Variants in YTHDC2 observed in about 807,000 individuals in gnomAD.
The protein encoded by YTHDC2 is 3'-5' RNA helicase YTHDC2.
A neutral mutation model predicts 174.9 loss-of-function variants in YTHDC2; 45 were observed. The observed-to-expected ratio is 0.26, with a 90% CI of 0.20 to 0.33. YTHDC2 has a LOEUF of 0.33. Among genes scored for constraint, YTHDC2 ranks in the 10% least tolerant of loss-of-function variants. YTHDC2 has a pLI of 1.00. For missense variants in YTHDC2, 1,650 were observed against 1,723.7 expected (o/e 0.96, Z 0.76); for synonymous variants, 657 against 574.5 (o/e 1.14, Z -2.05).
chr5:113,560,338 C>T (rs973426830), intron 17 of YTHDC2, among the ~76,000 whole-genome samples: 1 of 152,176 alleles, frequency 6.6e-6, no homozygotes, highest in African/African-American at 2.4e-5. Context: ...GTGTCTTGAA[C>T]TTAATGGTTG....
Position 113,567,288 on chromosome 5 carries a change from A to T in YTHDC2, c.3039A>T (p.Gln1013His). 1 of 1,608,214 alleles carries T rather than the reference A, an allele frequency of 6.2e-7. No homozygotes were observed. The highest frequency in any genetic ancestry group is 8.5e-7 in the Non-Finnish European group (1 of 1,178,326). Residue 1013 changes from glutamine (Q) to histidine (H), a missense_variant, in exon 22 of 30, where the codon CAA becomes CAT. Coordinates refer to ENST00000161863, the MANE Select transcript of YTHDC2 (RefSeq NM_022828.5). ...FHPASVLSQP[Q>H]YKKIPPANGQ... Reference sequence around the variant, plus strand: ...CTGCTTCAGTTCTCAGTCAGCCTCAATATAAAAAGGTAAAAGATTTTGAAT... The same window carrying T: ...CTGCTTCAGTTCTCAGTCAGCCTCATTATAAAAAGGTAAAAGATTTTGAAT...
At chr5:113,588,414 C>T (rs1004690731) in intron 26 of YTHDC2, among the ~76,000 whole-genome samples, 4 of 151,866 alleles carry the variant, frequency 2.6e-5, no homozygotes, top group Non-Finnish European at 5.9e-5. Context: ...GATCTTTGTT[C>T]ATGAGGGGTA....
chr5:113,544,563 T>C (rs1775720684), intron 10 of YTHDC2, among the ~76,000 whole-genome samples: 1 of 152,220 alleles, frequency 6.6e-6, no homozygotes, highest in South Asian at 2.1e-4. Flanking sequence ...AGTAGTTAAC[T>C]TTTTAGTATG....
intron 8 of YTHDC2, among the ~76,000 whole-genome samples, 165 bp from the exon 9 acceptor site, chr5:113,540,803 A>G (rs756657833): frequency 2.6e-5 from 4 of 152,232 alleles, no homozygotes; most frequent in Non-Finnish European, 5.9e-5. Flanking sequence ...TTGTTTCAGC[A>G]TAACACATTT....
chr5:113,575,660 A>G (rs1364911804), intron 23 of YTHDC2, among the ~76,000 whole-genome samples: 1 of 152,222 alleles, frequency 6.6e-6, no homozygotes, highest in East Asian at 1.9e-4. Context: ...GATAAGGTTG[A>G]AAGGAAAGCA....
chr5:113,550,782 C>A (rs1310194556), intron 12 of YTHDC2, among the ~76,000 whole-genome samples: 2 of 150,956 alleles, frequency 1.3e-5, no homozygotes, highest in African/African-American at 4.9e-5. Context: ...TTTGATTTAG[C>A]AAAAAAAGAA....
At chr5:113,581,280 A>C in intron 24 of YTHDC2, 137 bp from the exon 25 acceptor site, 1 of 746,220 alleles carries the variant, frequency 1.3e-6, no homozygotes, top group Middle Eastern at 4.3e-4. Flanking sequence ...CATTAAAAAT[A>C]ATGAAATTAG....
chr5:113,525,372 T>G (rs1774143805), intron 3 of YTHDC2, among the ~76,000 whole-genome samples, 195 bp downstream of exon 3: 1 of 152,092 alleles, frequency 6.6e-6, no homozygotes, highest in Non-Finnish European at 1.5e-5. Flanking sequence ...GAACCAAGTT[T>G]TTTTTTTTAG....
At chr5:113,532,417 A>G (rs536517306) in intron 4 of YTHDC2, among the ~76,000 whole-genome samples, 10 of 152,296 alleles carry the variant, frequency 6.6e-5, no homozygotes, top group African/African-American at 2.4e-4. Flanking sequence ...AGGTATCTAC[A>G]ATCCTGGATT....
intron 23 of YTHDC2, among the ~76,000 whole-genome samples, chr5:113,570,307 G>A (rs1228640232): frequency 6.6e-6 from 1 of 152,102 alleles, no homozygotes; most frequent in African/African-American, 2.4e-5. Flanking sequence ...ATGTTGGGCA[G>A]GGTGATCTTG....
At chr5:113,590,133 C>T (rs1371844520) in intron 26 of YTHDC2, among the ~76,000 whole-genome samples, 1 of 152,092 alleles carries the variant, frequency 6.6e-6, no homozygotes, top group Non-Finnish European at 1.5e-5. Context: ...TAAATAACAA[C>T]CTTTGTATAT....
At chr5:113,516,360 T>C (rs1014148310) in intron 2 of YTHDC2, among the ~76,000 whole-genome samples, 2 of 152,182 alleles carry the variant, frequency 1.3e-5, no homozygotes, top group African/African-American at 4.8e-5. Flanking sequence ...TTTGTTTTGT[T>C]GGGAGGATCA....
rs1376281802 is a variant in YTHDC2 at position 113,535,759 on chromosome 5, CTCTT to C, written c.1065_1068del (p.Phe356Ter). 1 of 1,612,754 alleles carries C rather than the reference CTCTT, an allele frequency of 6.2e-7. No homozygotes were observed. The highest frequency in any genetic ancestry group is 8.5e-7 in the Non-Finnish European group (1 of 1,179,374). On this transcript the variant is annotated frameshift_variant, in exon 7 of 30. Transcript: ENST00000161863. LOFTEE classifies it high-confidence loss of function. Reference sequence around the variant, plus strand: ...TTCTAGTGCTGCCTTGGATGTAAATCTCTTTATAAGATATTTTGGAAGTTGTCCA... The same window carrying C: ...TTCTAGTGCTGCCTTGGATGTAAATCTATAAGATATTTTGGAAGTTGTCCA...
At chr5:113,562,080 T>C (rs1225161738) in intron 18 of YTHDC2, among the ~76,000 whole-genome samples, 7 of 150,628 alleles carry the variant, frequency 4.6e-5, no homozygotes, top group African/African-American at 1.5e-4. Context: ...TTTGATTCTT[T>C]AGTGTGTTTG....
In YTHDC2 at chr5:113,579,648, G is replaced by C. The variant is rs1778274170; in HGVS notation, c.3307G>C (p.Ala1103Pro). 6.2e-7 allele frequency: 1 copy of C among 1,610,418 alleles called. No homozygotes were observed. Among genetic ancestry groups the C allele is most frequent in the South Asian group, 1.1e-5 (1 of 90,646 alleles). ...EMEDKTTANL[A>P]ALKLDEWLHF... ...GGAGGACAAAACTACAGCTAATTTG[G>C]CAGCCTTGAAACTTGATGAGTGGCT... The change falls in exon 24 of 30, where the codon GCA becomes CCA. Residue 1103 changes from alanine to proline, a missense_variant. Ala to Pro is a conservative substitution (Grantham distance 27, BLOSUM62 -1). This residue lies in a region of YTHDC2 where 913 missense variants were observed against 940.4 expected (regional missense o/e 0.97). Transcript: ENST00000161863.
In YTHDC2 at chr5:113,515,154, A is replaced by G. The variant is rs147938152; in HGVS notation, c.188-118A>G. The G allele has an allele frequency of 1.3e-3, 766 of 584,228 alleles. 10 individuals are homozygous for G. In the Admixed American group the frequency reaches 0.024, roughly 18 times the overall value. The allele number at this position is 584,228 out of a possible 1,614,324, so 36.2% of individuals were successfully genotyped here. ...ATATGAAATATAAAGTTAACCTCAA[A>G]TAAAGTATAATAAATTTGATTGTCT... is the stretch of plus-strand genomic sequence containing the variant. On this transcript the variant is annotated intron_variant, in intron 1 of 29. Transcript: ENST00000161863.
intron 1 of YTHDC2, 89 bp downstream of exon 1, chr5:113,514,171 G>A: frequency 6.7e-7 from 1 of 1,488,952 alleles, no homozygotes; most frequent in Non-Finnish European, 9.1e-7. Flanking sequence ...AGTGATGGGG[G>A]TGCCTCCGAA....
At chr5:113,545,357 TTTTTGTTTTGTTTTGTTTTGTTTTG>T (rs58837820) in intron 10 of YTHDC2, among the ~76,000 whole-genome samples, 1 of 145,906 alleles carries the variant, frequency 6.9e-6, no homozygotes. Context: ...TCATTATTCT[TTTTTGTTTTGTTTTGTTTTGTTTTG>T]TTTTGTTTTG....
intron 20 of YTHDC2, among the ~76,000 whole-genome samples, chr5:113,565,422 G>C (rs888495884): frequency 1.3e-5 from 2 of 152,136 alleles, no homozygotes; most frequent in African/African-American, 4.8e-5. Flanking sequence ...CAAAGCAAGA[G>C]AACCTATTCA....
Sources: gnomAD v4.1 joint callset for allele counts (sites outside exome capture counted in the v4.1 genomes callset) on GRCh38, gnomAD v4.1.1 for gene constraint, gnomAD v4.1.1 regional missense constraint, MANE v1.5 for transcripts, NCBI Gene and HGNC (gene_info 2026-07-23, HGNC 2026-07-21) for gene names.